The following PHIP variants were observed in gnomAD, a reference collection of about 807,000 sequenced individuals.
PHIP encodes the protein PHIP subunit of CUL4-Ring ligase complex.
A neutral mutation model predicts 236.8 loss-of-function variants in PHIP; 54 were observed. That is an observed-to-expected ratio of 0.23 (90% CI 0.18 to 0.29). The LOEUF is 0.29. PHIP is among the 10% of genes least tolerant of loss of function. PHIP has a pLI of 1.00. For missense variants in PHIP, 1,370 were observed against 2,190.8 expected (o/e 0.63, Z 7.48); for synonymous variants, 756 against 718.9 (o/e 1.05, Z -0.83).
At chr6:78,975,181 A>C (rs908239969) in intron 24 of PHIP, among the ~76,000 whole-genome samples, 3 of 152,024 alleles carry the variant, frequency 2.0e-5, no homozygotes, top group Non-Finnish European at 2.9e-5. Context: ...CACCATGAAC[A>C]AGTGGGCTTC....
chr6:78,980,471 G>C (rs768876226), intron 23 of PHIP, among the ~76,000 whole-genome samples: 5 of 151,878 alleles, frequency 3.3e-5, no homozygotes, highest in South Asian at 4.1e-4. Flanking sequence ...GAATATGAGA[G>C]AAAAAGAGGA....
At chr6:79,050,009 A>G (rs1224597271) in intron 6 of PHIP, among the ~76,000 whole-genome samples, 3 of 152,156 alleles carry the variant, frequency 2.0e-5, no homozygotes, top group African/African-American at 7.2e-5. Flanking sequence ...TTTCTAACAG[A>G]AGTTACGTTA....
chr6:78,999,221 T>C (rs1337503598), intron 17 of PHIP, among the ~76,000 whole-genome samples: 2 of 152,204 alleles, frequency 1.3e-5, no homozygotes, highest in Non-Finnish European at 2.9e-5. Flanking sequence ...AGAGGACCAC[T>C]TGACTTCTGC....
intron 35 of PHIP, among the ~76,000 whole-genome samples, chr6:78,951,557 T>G (rs1774152029): frequency 6.6e-6 from 1 of 152,192 alleles, no homozygotes; most frequent in South Asian, 2.1e-4. Flanking sequence ...TTCTCTTCTG[T>G]GACAGTAATT....
At position 79,062,877 on chromosome 6, in the gene PHIP, C is replaced by G. The variant is rs371571052; in HGVS notation, c.190-2059G>C. 2.6e-5 allele frequency among the ~76,000 whole-genome samples: 4 copies of G among 152,312 alleles called. No individual in the cohort carries two copies. In the East Asian group the frequency reaches 5.8e-4, roughly 22 times the overall value. On this transcript the variant is annotated intron_variant, in intron 4 of 39. Transcript: ENST00000275034. ...ACCTCATTCTCCTTCATGTCTCAGT[C>G]TATGTCTCACTCACTGCCTTCCATG... is the stretch of plus-strand genomic sequence containing the variant.
intron 18 of PHIP, 88 bp from the exon 19 acceptor site, chr6:78,997,685 C>A: frequency 3.0e-6 from 3 of 1,003,338 alleles, no homozygotes; most frequent in South Asian, 1.8e-5. Flanking sequence ...ACACTATCTT[C>A]CATAAGAAAC....
chr6:78,978,409 A>G (rs570518815), intron 24 of PHIP, among the ~76,000 whole-genome samples, 183 bp downstream of exon 24: 21 of 152,248 alleles, frequency 1.4e-4, no homozygotes, highest in African/African-American at 5.1e-4. Context: ...GATTTACAGC[A>G]GCTTCAAAGA....
chr6:79,050,077 G>GT (rs139669024), intron 6 of PHIP, among the ~76,000 whole-genome samples: 3,730 of 151,992 alleles, frequency 0.025, 59 homozygotes, highest in Middle Eastern at 0.037. Flanking sequence ...AGCAACCATG[G>GT]TTTAGAGTTA....
At chr6:78,991,008 A>T in intron 19 of PHIP, 23 bp from the exon 20 acceptor site, 1 of 1,402,986 alleles carries the variant, frequency 7.1e-7, no homozygotes, top group Non-Finnish European at 1.0e-6. Flanking sequence ...AGCCATATGC[A>T]TTAATCTAGA....
chr6:79,044,760 G>C (rs1772391182), intron 6 of PHIP, among the ~76,000 whole-genome samples: 1 of 152,116 alleles, frequency 6.6e-6, no homozygotes, highest in Admixed American at 6.6e-5. Flanking sequence ...ATTTCTCGAT[G>C]ATTAAGCATT....
At chr6:78,967,729 A>C (rs568659565) in intron 27 of PHIP, among the ~76,000 whole-genome samples, 9 of 152,332 alleles carry the variant, frequency 5.9e-5, no homozygotes, top group African/African-American at 2.2e-4. Context: ...TGATTTGTCC[A>C]ATGTTAGCCA....
At chr6:79,066,513 C>T (rs1427561336) in intron 4 of PHIP, among the ~76,000 whole-genome samples, 1 of 152,104 alleles carries the variant, frequency 6.6e-6, no homozygotes. Context: ...CCTATTACCT[C>T]AAATATGTGT....
chr6:79,029,561 GCT>G (rs1771567715), intron 7 of PHIP, among the ~76,000 whole-genome samples: 1 of 152,098 alleles, frequency 6.6e-6, no homozygotes, highest in Non-Finnish European at 1.5e-5. Flanking sequence ...AGACAGTCTT[GCT>G]CTGTTACCCT....
At position 78,935,614 on chromosome 6, in the gene PHIP, G is replaced by C. The variant is rs2127673164; in HGVS notation, c.*5079C>G. On this transcript the variant is annotated 3_prime_UTR_variant, in exon 40 of 40. Transcript: ENST00000275034. Reference sequence around the variant, plus strand: ...GTTTTATTAAATGTACACATAAAAAGGCATATAAGTTTTTGACCTTCAGTT... The same window carrying C: ...GTTTTATTAAATGTACACATAAAAACGCATATAAGTTTTTGACCTTCAGTT... The C allele has an allele frequency of 1.0e-6, 1 of 980,442 alleles. No homozygotes were observed. Among genetic ancestry groups the C allele is most frequent in the Middle Eastern group, 5.2e-4 (1 of 1,910 alleles). 60.7% of individuals were successfully genotyped at this position (980,442 alleles called of 1,614,324 possible). A position where few individuals can be genotyped will look rare whatever the true frequency, so the allele number is the denominator to read the frequency against.
intron 23 of PHIP, among the ~76,000 whole-genome samples, chr6:78,980,211 T>C: frequency 6.6e-6 from 1 of 151,880 alleles, no homozygotes; most frequent in East Asian, 1.9e-4. Context: ...TTATGTATTG[T>C]CTATAAATGC....
Position 79,078,254 on chromosome 6 carries a change from T to A in PHIP, c.-186A>T. 1 of 565,488 alleles carries A rather than the reference T, an allele frequency of 1.8e-6. No homozygotes were observed. Among genetic ancestry groups the A allele is most frequent in the Non-Finnish European group, 3.1e-6 (1 of 323,708 alleles). 35.0% of individuals were successfully genotyped at this position (565,488 alleles called of 1,614,324 possible). ...GAAACAACAACTCTCAGGCAGCGAC[T>A]ACGGCCGTGGCCGCCTCCGCCGCGG... On this transcript the variant is annotated 5_prime_UTR_variant, in exon 1 of 40. Coordinates refer to ENST00000275034, the MANE Select transcript of PHIP (RefSeq NM_017934.7).
chr6:79,015,838 C>A, intron 13 of PHIP, 55 bp from the exon 14 acceptor site: 1 of 1,187,598 alleles, frequency 8.4e-7, no homozygotes, highest in South Asian at 1.4e-5. Flanking sequence ...ACAACAAAAA[C>A]CAAAACATAT....
At chr6:79,031,963 C>T (rs1771691204) in intron 7 of PHIP, among the ~76,000 whole-genome samples, 1 of 152,180 alleles carries the variant, frequency 6.6e-6, no homozygotes, top group African/African-American at 2.4e-5. Flanking sequence ...CTAGATACCG[C>T]AGGCTCAGTT....
At chr6:79,023,858 TC>T (rs912127385) in intron 9 of PHIP, among the ~76,000 whole-genome samples, 5 of 152,148 alleles carry the variant, frequency 3.3e-5, no homozygotes, top group African/African-American at 1.2e-4. Context: ...TCTGTTCCTA[TC>T]CCAATTTGAA....
Sources: allele counts gnomAD v4.1 joint callset (sites outside exome capture counted in the v4.1 genomes callset), GRCh38; gene constraint gnomAD v4.1.1; transcripts MANE v1.5; gene names NCBI Gene and HGNC (gene_info 2026-07-23, HGNC 2026-07-21).